The following NR3C2 variants were observed in gnomAD, a reference collection of about 807,000 sequenced individuals.
The protein encoded by NR3C2 is nuclear receptor subfamily 3 group C member 2, also known as mineralocorticoid receptor.
In NR3C2, 15 loss-of-function variants were observed where a neutral mutation model predicts 86.4. The ratio of observed to expected loss-of-function variants is 0.17; its 90% CI spans 0.12 to 0.27. NR3C2 has a LOEUF of 0.27. NR3C2 is among the 10% of genes least tolerant of loss of function. The pLI is 1.00. For synonymous variants in NR3C2, 458 were observed against 450.5 expected (o/e 1.02, Z -0.21); for missense variants, 960 against 1,195.6 (o/e 0.80, Z 2.91).
At chr4:148,444,170 G>A (rs544686697), upstream of NR3C2, 58 of 985,366 alleles carry the variant, frequency 5.9e-5, no homozygotes, top group South Asian at 2.2e-3. Context: ...GGGCACGCGA[G>A]GCGGCGGCGG....
At chr4:148,401,173 G>A (rs1222111319) in intron 2 of NR3C2, among the ~76,000 whole-genome samples, 2 of 152,166 alleles carry the variant, frequency 1.3e-5, no homozygotes, top group Admixed American at 6.5e-5. Flanking sequence ...TACCCACCAT[G>A]TGAACCAACT....
intron 8 of NR3C2, among the ~76,000 whole-genome samples, chr4:148,087,385 G>GA (rs1300896483): frequency 1.3e-5 from 2 of 151,982 alleles, no homozygotes; most frequent in South Asian, 2.1e-4. Context: ...CACAGAATTA[G>GA]AAAAAAACTA....
intron 6 of NR3C2, among the ~76,000 whole-genome samples, chr4:148,133,916 A>T (rs1192330887): frequency 6.6e-6 from 1 of 152,240 alleles, no homozygotes; most frequent in Non-Finnish European, 1.5e-5. Flanking sequence ...CCCGTAAAGT[A>T]AGCACACTTG....
chr4:148,372,948 G>A (rs10519962), intron 2 of NR3C2, among the ~76,000 whole-genome samples: 3,101 of 152,248 alleles, frequency 0.02, 111 homozygotes, highest in African/African-American at 0.071. Flanking sequence ...TGTTTCAGCA[G>A]TATCTGATTT....
chr4:148,132,190 G>T (rs985212123), intron 6 of NR3C2, among the ~76,000 whole-genome samples: 3 of 152,160 alleles, frequency 2.0e-5, no homozygotes, highest in Admixed American at 6.5e-5. Flanking sequence ...AAAATTGGGG[G>T]TATCTGTGAT....
At chr4:148,253,121 G>C (rs1324159929) in intron 3 of NR3C2, among the ~76,000 whole-genome samples, 1 of 152,166 alleles carries the variant, frequency 6.6e-6, no homozygotes, top group African/African-American at 2.4e-5. Context: ...GGAGAAACAA[G>C]TGGCATGGTG....
At chr4:148,197,844 T>C (rs61757494) in intron 3 of NR3C2, among the ~76,000 whole-genome samples, 8 of 152,226 alleles carry the variant, frequency 5.3e-5, no homozygotes, top group Non-Finnish European at 1.2e-4. Flanking sequence ...AAATATATAA[T>C]GTGTGTCTCA....
At chr4:148,405,035 TA>T (rs1748346846) in intron 2 of NR3C2, among the ~76,000 whole-genome samples, 1 of 152,166 alleles carries the variant, frequency 6.6e-6, no homozygotes, top group African/African-American at 2.4e-5. Context: ...AAATACTTTA[TA>T]TTCTTGAAGA....
chr4:148,323,845 C>G (rs1027898701), intron 2 of NR3C2, among the ~76,000 whole-genome samples: 1 of 147,702 alleles, frequency 6.8e-6, no homozygotes, highest in Non-Finnish European at 1.5e-5. Flanking sequence ...TCTTCTGCGT[C>G]GCTCACGCTG....
chr4:148,098,075 T>TCCTCCCCAGAG (rs1374090253), intron 8 of NR3C2, among the ~76,000 whole-genome samples: 4 of 152,164 alleles, frequency 2.6e-5, no homozygotes, highest in Non-Finnish European at 5.9e-5. Context: ...GAGATGGATT[T>TCCTCCCCAGAG]GAGGTTTCCT....
At chr4:148,391,034 A>AT (rs2126490948) in intron 2 of NR3C2, among the ~76,000 whole-genome samples, 1 of 152,348 alleles carries the variant, frequency 6.6e-6, no homozygotes, top group South Asian at 2.1e-4. Context: ...ATTGTATATT[A>AT]TGTTGCTAAA....
In NR3C2 at chr4:148,237,706, A is replaced by G. The variant is rs541279607; in HGVS notation, c.1897+22272T>C. Among the ~76,000 whole-genome samples, 9 of 151,908 alleles carry G rather than the reference A, an allele frequency of 5.9e-5. No individual in the cohort carries two copies. The East Asian group carries it at 1.7e-3, about 29-fold the overall frequency. On this transcript the variant is annotated intron_variant, in intron 3 of 8. Coordinates refer to ENST00000358102, the MANE Select transcript of NR3C2 (RefSeq NM_000901.5). Reference sequence around the variant, plus strand: ...TTTTTTGGAAGCCAAAATGATTTACATTGAAAATTAAATTACTGAATAAAA... The same window carrying G: ...TTTTTTGGAAGCCAAAATGATTTACGTTGAAAATTAAATTACTGAATAAAA...
intron 3 of NR3C2, among the ~76,000 whole-genome samples, chr4:148,239,311 T>C (rs1738901521): frequency 6.6e-6 from 1 of 152,160 alleles, no homozygotes; most frequent in Admixed American, 6.5e-5. Context: ...AGGGTCCCAG[T>C]CTGTAAAATG....
intron 6 of NR3C2, among the ~76,000 whole-genome samples, chr4:148,136,534 C>G (rs545119854): frequency 6.6e-6 from 1 of 152,192 alleles, no homozygotes; most frequent in Non-Finnish European, 1.5e-5. Context: ...CTGGATTGTA[C>G]CACCCACTTC....
intron 8 of NR3C2, among the ~76,000 whole-genome samples, chr4:148,105,152 A>G (rs1473367965): frequency 6.6e-6 from 1 of 152,226 alleles, no homozygotes; most frequent in Non-Finnish European, 1.5e-5. Context: ...CACTAATTAT[A>G]TGAACTATGA....
intron 2 of NR3C2, among the ~76,000 whole-genome samples, chr4:148,263,232 C>T (rs1740217555): frequency 6.6e-6 from 1 of 152,236 alleles, no homozygotes; most frequent in South Asian, 2.1e-4. Context: ...GCCTTATTAG[C>T]TTCTTGAGCA....
At chr4:148,207,873 G>A in intron 3 of NR3C2, 1 of 152,202 alleles carries the variant, frequency 6.6e-6, no homozygotes, top group South Asian at 2.1e-4. Context: ...AGGCACACTA[G>A]GAGATTAATA....
chr4:148,079,055 A>C lies in NR3C2; in HGVS notation c.*2289T>G, dbSNP rs752375846. ...GTTACCTGGAGACACACAAAGAGCC[A>C]GTAACTTTGTTAATACAAAAAGCTG... is the stretch of plus-strand genomic sequence containing the variant. On this transcript the variant is annotated 3_prime_UTR_variant, in exon 9 of 9. Coordinates refer to ENST00000358102, the MANE Select transcript of NR3C2 (RefSeq NM_000901.5). 29 of 152,658 alleles carry C rather than the reference A, an allele frequency of 1.9e-4. No individual in the cohort carries two copies. Among genetic ancestry groups the C allele is most frequent in the Non-Finnish European group, 3.2e-4 (22 of 68,038 alleles). 9.5% of individuals were successfully genotyped at this position (152,658 alleles called of 1,614,324 possible). A position where few individuals can be genotyped will look rare whatever the true frequency, so the allele number is the denominator to read the frequency against.
chr4:148,232,921 C>G (rs1039764326), intron 3 of NR3C2, among the ~76,000 whole-genome samples: 3 of 152,136 alleles, frequency 2.0e-5, no homozygotes, highest in African/African-American at 7.2e-5. Flanking sequence ...ACATTTCTTC[C>G]GCTGCTTCCT....
Sources: allele counts gnomAD v4.1 joint callset (sites outside exome capture counted in the v4.1 genomes callset), GRCh38; gene constraint gnomAD v4.1.1; transcripts MANE v1.5; gene names NCBI Gene and HGNC (gene_info 2026-07-23, HGNC 2026-07-21).